MYO1G: variants seen among roughly 807,000 people sequenced by gnomAD.
The protein encoded by MYO1G is myosin IG, also known as unconventional myosin-Ig.
In MYO1G, 65 loss-of-function variants were observed where a neutral mutation model predicts 115.3. That is an observed-to-expected ratio of 0.56 (90% CI 0.46 to 0.69). The LOEUF is 0.69. Ranked by LOEUF, MYO1G falls within the 30% of genes least tolerant of loss-of-function variation. MYO1G has a pLI of 0.00. For missense variants in MYO1G, 1,204 were observed against 1,393.5 expected (o/e 0.86, Z 2.16); for synonymous variants, 510 against 552.6 (o/e 0.92, Z 1.08).
intron 3 of MYO1G, 30 bp from the exon 4 acceptor site, chr7:44,975,679 G>T (rs1276983200): frequency 1.3e-6 from 2 of 1,553,698 alleles, no homozygotes; most frequent in Non-Finnish European, 1.7e-6. Context: ...GGGTCTTAAG[G>T]CAAAGACTTC....
In MYO1G at chr7:44,965,745, C is replaced by T. The variant is rs781147464; in HGVS notation, c.2273G>A (p.Arg758Gln). The T allele has an allele frequency of 2.1e-5, 34 of 1,609,088 alleles. No individual in the cohort carries two copies. The highest frequency in any genetic ancestry group is 1.7e-4 in the Middle Eastern group (1 of 5,818). ...TGGCGGCTGCCTTGCAGCCTGGAAT[C>T]GCCGCTGCAGCTCAGCCAGGTGAGC... ...VRAHLAELQR[R>Q]FQAARQPPLY... The change falls in exon 17 of 22, where the codon CGA (arginine) becomes CAA (glutamine). Residue 758 changes from arginine to glutamine, a missense_variant. Physicochemically the swap from Arg to Gln is conservative, Grantham distance 43. Transcript: ENST00000258787.
chr7:44,962,748 G>T lies in MYO1G; in HGVS notation c.3048C>A (p.Pro1016=). ...CARGSFTLLW[P]SR is the part of the protein sequence containing the mutation. ...CGGCGGGTGCGGGCGCTCAGCGGCT[G>T]GGCCAGAGCAGGGTGAAGGAGCCGC... is the stretch of plus-strand genomic sequence containing the variant. Residue 1016 remains proline (P), a synonymous_variant, in exon 22 of 22, where the codon CCC becomes CCA. Transcript: ENST00000258787. This position sits in a 1 kb window ranked among gnomAD's most constrained non-coding sequence, Gnocchi z 5.3. 3 of 1,463,170 alleles carry T rather than the reference G, an allele frequency of 2.1e-6. No homozygotes were observed. The highest frequency in any genetic ancestry group is 2.5e-4 in the Middle Eastern group (1 of 4,064). 90.6% of individuals were successfully genotyped at this position (1,463,170 alleles called of 1,614,324 possible). A position where few individuals can be genotyped will look rare whatever the true frequency, so the allele number is the denominator to read the frequency against.
chr7:44,964,654 A>G lies in MYO1G; in HGVS notation c.2527-135T>C. 1.2e-6 allele frequency: 1 copy of G among 820,902 alleles called. No individual in the cohort carries two copies. Among genetic ancestry groups the G allele is most frequent in the Non-Finnish European group, 2.0e-6 (1 of 499,438 alleles). 50.9% of individuals were successfully genotyped at this position (820,902 alleles called of 1,614,324 possible). A position where few individuals can be genotyped will look rare whatever the true frequency, so the allele number is the denominator to read the frequency against. On this transcript the variant is annotated intron_variant, in intron 18 of 21. Coordinates refer to ENST00000258787, the MANE Select transcript of MYO1G (RefSeq NM_033054.3). The surrounding 1 kb of genome is among the most constrained non-coding windows in gnomAD (Gnocchi z 5.1). ...ACTGAGTCACACAGACTTGTGCGTG[A>G]GCTGAGCAGCCCTGGATTTCCTGAG...
chr7:44,977,071 C>A lies in MYO1G; in HGVS notation c.96G>T (p.Arg32Ser), dbSNP rs1221311302. Residue 32 changes from arginine to serine, a missense_variant and splice_region_variant, in exon 2 of 22, where the codon AGG (arginine) becomes AGT (serine). Coordinates refer to ENST00000258787, the MANE Select transcript of MYO1G (RefSeq NM_033054.3). ...MEDFMRNLQL[R>S]FEKGRIYTYI... is the part of the protein sequence containing the mutation. ...AGGTGTAGATGCGGCCCTTCTCGAA[C>A]CTGGACACAGCAGGGGTAGGCCTCA... 12 of 1,612,354 alleles carry A rather than the reference C, an allele frequency of 7.4e-6. No homozygotes were observed. The highest frequency in any genetic ancestry group is 1.0e-5 in the Non-Finnish European group (12 of 1,179,664).
chr7:44,974,774 A>ACTCAC (rs1364938486), intron 5 of MYO1G: 1 of 246,738 alleles, frequency 4.1e-6, no homozygotes, highest in Non-Finnish European at 8.3e-6. Context: ...TATCTCACAG[A>ACTCAC]GGTGCTCAGA....
chr7:44,965,562 C>A, intron 17 of MYO1G, 75 bp downstream of exon 17: 1 of 1,425,358 alleles, frequency 7.0e-7, no homozygotes, highest in Non-Finnish European at 9.8e-7. Flanking sequence ...CCAGGCACTG[C>A]AGGCCCGGGA....
intron 1 of MYO1G, among the ~76,000 whole-genome samples, chr7:44,977,336 G>A (rs62461377): frequency 0.19 from 29,069 of 152,180 alleles, 3,133 homozygotes; most frequent in Non-Finnish European, 0.22. Flanking sequence ...CAAGGTCACT[G>A]GAAACATGAC....
At position 44,979,000 on chromosome 7, in the gene MYO1G, C is replaced by T. The variant is rs778027318; in HGVS notation, c.-39G>A. On this transcript the variant is annotated 5_prime_UTR_variant, in exon 1 of 22. Transcript: ENST00000258787. ...AACACCTTGCCTCACCTTCCTGTGC[C>T]TGCTGGAAGGACAGTGAAGGAGAGG... The T allele has an allele frequency of 1.3e-6, 2 of 1,591,340 alleles. No homozygotes were observed. The highest frequency in any genetic ancestry group is 1.7e-6 in the Non-Finnish European group (2 of 1,159,452).
Position 44,970,709 on chromosome 7 carries a change from AC to A in MYO1G, c.1099del (p.Val367TrpfsTer2). 6.2e-7 allele frequency: 1 copy of A among 1,613,796 alleles called. No homozygotes were observed. Among genetic ancestry groups the A allele is most frequent in the Non-Finnish European group, 8.5e-7 (1 of 1,180,000 alleles). Reference protein sequence around the residue: ...KAVYQRLFEWVVNRINSVMEP... With the variant: ...KAVYQRLFEWXVNRINSVMEP... The stretch of plus-strand genomic sequence containing the variant: ...CATGACACTGTTGATCCTGTTCACC[AC>A]CCACTCAAACAGCCGCTGGTACACT... On this transcript the variant is annotated frameshift_variant, in exon 9 of 22. Transcript: ENST00000258787. LOFTEE classifies it high-confidence loss of function.
At chr7:44,967,792 C>T in intron 13 of MYO1G, 55 bp from the exon 14 acceptor site, 1 of 1,611,962 alleles carries the variant, frequency 6.2e-7, no homozygotes, top group East Asian at 2.2e-5. Context: ...CCCCACCCAC[C>T]CACGTCCTGA....
intron 6 of MYO1G, 79 bp from the exon 7 acceptor site, chr7:44,971,868 T>C: frequency 1.8e-6 from 2 of 1,118,726 alleles, no homozygotes; most frequent in Non-Finnish European, 2.6e-6. Flanking sequence ...GATTCCTCCA[T>C]CCTAGGCACC....
Position 44,970,968 on chromosome 7 carries a change from T to A in MYO1G, c.938A>T (p.Glu313Val), listed in dbSNP as rs1410522053. 6.2e-7 allele frequency: 1 copy of A among 1,613,508 alleles called. No homozygotes were observed. Among genetic ancestry groups the A allele is most frequent in the Non-Finnish European group, 8.5e-7 (1 of 1,180,010 alleles). Residue 313 changes from glutamate to valine, a missense_variant, in exon 8 of 22, where the codon GAG (glutamate) becomes GTG (valine). By Grantham distance (121) the Glu-to-Val change is moderately radical. Coordinates refer to ENST00000258787, the MANE Select transcript of MYO1G (RefSeq NM_033054.3). ...AEEALVDHVA[E>V]LTATPRDLVL... ...GAGGTCCCGGGGTGTGGCCGTCAGC[T>A]CAGCCACATGGTCCACCAGTGCCTC...
chr7:44,963,162 C>T lies in MYO1G; in HGVS notation c.2746-38G>A. The T allele has an allele frequency of 1.4e-6, 2 of 1,398,544 alleles. No homozygotes were observed. The highest frequency in any genetic ancestry group is 1.9e-6 in the Non-Finnish European group (2 of 1,080,570). The allele number at this position is 1,398,544 out of a possible 1,614,324, so 86.6% of individuals were successfully genotyped here. ...CGGGGTCAGAGTGCAGCCGCCTCAA[C>T]CCGCACCCCAGCCTAGCCGGACTCA... On this transcript the variant is annotated intron_variant, in intron 20 of 21. Transcript: ENST00000258787. The surrounding 1 kb of genome is among the most constrained non-coding windows in gnomAD (Gnocchi z 4.1).
rs1794853600 is a variant in MYO1G at position 44,966,768 on chromosome 7, C to T, written c.1853G>A (p.Cys618Tyr). The change falls in exon 15 of 22, where the codon TGT becomes TAT. Residue 618 changes from cysteine (C) to tyrosine (Y), a missense_variant. Cys to Tyr is a radical substitution (Grantham distance 194). Transcript: ENST00000258787. The surrounding 1 kb of genome is among the most constrained non-coding windows in gnomAD (Gnocchi z 5.0). ...KVAGKLDENH[C>Y]RHQVAYLGLL... The stretch of plus-strand genomic sequence containing the variant: ...CCCCAGGTATGCGACCTGGTGGCGA[C>T]AGTGGTTCTCATCCAGCTTCCCAGC... 6.2e-7 allele frequency: 1 copy of T among 1,613,656 alleles called. No individual in the cohort carries two copies. The highest frequency in any genetic ancestry group is 8.5e-7 in the Non-Finnish European group (1 of 1,180,000).
In MYO1G at chr7:44,969,735, G is replaced by A; in HGVS notation, c.1473C>T (p.His491=). 1 of 1,611,964 alleles carries A rather than the reference G, an allele frequency of 6.2e-7. No homozygotes were observed. Among genetic ancestry groups the A allele is most frequent in the South Asian group, 1.1e-5 (1 of 91,016 alleles). Residue 491 remains histidine, a synonymous_variant, in exon 11 of 22, where the codon CAC becomes CAT. Coordinates refer to ENST00000258787, the MANE Select transcript of MYO1G (RefSeq NM_033054.3). The surrounding 1 kb of genome is among the most constrained non-coding windows in gnomAD (Gnocchi z 5.0). Reference sequence around the variant, plus strand: ...GGCTGGTGTAGTGTAGGTGATGGCGGTGGTGCATGTCCAGGGTCTGCAGGA... The same window carrying A: ...GGCTGGTGTAGTGTAGGTGATGGCGATGGTGCATGTCCAGGGTCTGCAGGA... ...RIFLQTLDMH[H]RHHLHYTSRQ... is the part of the protein sequence containing the mutation.
intron 5 of MYO1G, chr7:44,972,780 T>C: frequency 6.5e-6 from 1 of 154,376 alleles, no homozygotes; most frequent in Admixed American, 6.3e-5. Context: ...GCTCAGCGTC[T>C]GTGGAGACAC....
Position 44,977,074 on chromosome 7 carries a change from G to T in MYO1G, c.96-3C>A. 6.2e-7 allele frequency: 1 copy of T among 1,611,682 alleles called. No homozygotes were observed. Among genetic ancestry groups the T allele is most frequent in the South Asian group, 1.1e-5 (1 of 90,988 alleles). On this transcript the variant is annotated splice_polypyrimidine_tract_variant and splice_region_variant and intron_variant, in intron 1 of 21. Coordinates refer to ENST00000258787, the MANE Select transcript of MYO1G (RefSeq NM_033054.3). ...TGTAGATGCGGCCCTTCTCGAACCT[G>T]GACACAGCAGGGGTAGGCCTCAGCA...
intron 5 of MYO1G, chr7:44,973,671 A>G (rs1794999696): frequency 6.6e-6 from 1 of 151,058 alleles, no homozygotes; most frequent in South Asian, 2.1e-4. Context: ...GGGAGCTCAG[A>G]GTCTGTGGAG....
Position 44,964,083 on chromosome 7 carries a change from T to G in MYO1G, c.2711A>C (p.Gln904Pro). ...GGGCACGGCCCGCATCACCCGGTAC[T>G]GCCGGTCAGGGTCCAGCTTGTAGAG... ...QHLYKLDPDR[Q>P]YRVMRAVPLE... The change falls in exon 20 of 22, where the codon CAG becomes CCG. Residue 904 changes from glutamine to proline, a missense_variant. Transcript: ENST00000258787. The surrounding 1 kb of genome is among the most constrained non-coding windows in gnomAD (Gnocchi z 5.1). The G allele has an allele frequency of 6.2e-7, 1 of 1,605,402 alleles. No homozygotes were observed. Among genetic ancestry groups the G allele is most frequent in the Non-Finnish European group, 8.5e-7 (1 of 1,176,140 alleles).
Sources: gnomAD v4.1 joint callset for allele counts (sites outside exome capture counted in the v4.1 genomes callset) on GRCh38, gnomAD v4.1.1 for gene constraint, Gnocchi (gnomAD v3.1) non-coding constraint, MANE v1.5 for transcripts, NCBI Gene and HGNC (gene_info 2026-07-23, HGNC 2026-07-21) for gene names.